The following ADAMTS12 variants were observed in gnomAD, a reference collection of about 807,000 sequenced individuals.
The protein encoded by ADAMTS12 is A disintegrin and metalloproteinase with thrombospondin motifs 12.
ADAMTS12 carries 118 observed loss-of-function variants against 167.8 expected under a neutral mutation model. The observed-to-expected ratio is 0.70, with a 90% CI of 0.61 to 0.82. The LOEUF is 0.82. Ranked by LOEUF, ADAMTS12 falls within the 40% of genes least tolerant of loss-of-function variation. The pLI, the probability that ADAMTS12 is intolerant of heterozygous loss-of-function variation, is 0.00. For synonymous variants in ADAMTS12, 704 were observed against 716.9 expected, an observed-to-expected ratio of 0.98 and a Z score of 0.29; for missense variants, 1,916 against 1,998.8, an observed-to-expected ratio of 0.96 and a Z score of 0.79.
In ADAMTS12 at chr5:33,661,978, C is replaced by T; in HGVS notation, c.978G>A (p.Lys326=). Residue 326 remains lysine, a synonymous_variant, in exon 6 of 24, where the codon AAG becomes AAA. Coordinates refer to ENST00000504830, the MANE Select transcript of ADAMTS12 (RefSeq NM_030955.4). Reference sequence around the variant, plus strand: ...TGAGGTCACTCTTGGGATTGATACTCTTCTGCCACTTGCAGAAGCTAGACA... The same window carrying T: ...TGAGGTCACTCTTGGGATTGATACTTTTCTGCCACTTGCAGAAGCTAGACA... ...KTLSSFCKWQ[K]SINPKSDLNP... is the part of the protein sequence containing the mutation. The T allele has an allele frequency of 1.2e-6, 2 of 1,613,270 alleles. No individual in the cohort carries two copies. The highest frequency in any genetic ancestry group is 1.7e-5 in the Admixed American group (1 of 59,968).
intron 19 of ADAMTS12, among the ~76,000 whole-genome samples, chr5:33,563,748 C>T (rs1745862159): frequency 6.6e-6 from 1 of 152,234 alleles, no homozygotes; most frequent in African/African-American, 2.4e-5. Flanking sequence ...CCCATGCACA[C>T]TGCATAGCAC....
At chr5:33,838,417 T>C (rs966873615) in intron 2 of ADAMTS12, among the ~76,000 whole-genome samples, 17 of 152,162 alleles carry the variant, frequency 1.1e-4, no homozygotes, top group African/African-American at 3.9e-4. Context: ...GCACGGTGGC[T>C]CACACCTGTA....
intron 2 of ADAMTS12, among the ~76,000 whole-genome samples, chr5:33,765,360 A>G (rs1745495518): frequency 6.6e-6 from 1 of 152,230 alleles, no homozygotes; most frequent in South Asian, 2.1e-4. Context: ...CCTTATTTTC[A>G]TTCCATGTTT....
chr5:33,732,248 ATG>A (rs1475739545), intron 3 of ADAMTS12, among the ~76,000 whole-genome samples: 5 of 152,238 alleles, frequency 3.3e-5, no homozygotes, highest in African/African-American at 1.2e-4. Flanking sequence ...AAAAAAATAA[ATG>A]TAGGTGAATA....
chr5:33,756,494 G>C (rs1745170721), intron 2 of ADAMTS12, among the ~76,000 whole-genome samples: 1 of 152,144 alleles, frequency 6.6e-6, no homozygotes. Flanking sequence ...TTTTTCTCAT[G>C]TAATACACAG....
intron 6 of ADAMTS12, among the ~76,000 whole-genome samples, chr5:33,661,029 C>T (rs1741240015): frequency 6.6e-6 from 1 of 152,018 alleles, no homozygotes; most frequent in Admixed American, 6.6e-5. Flanking sequence ...AGCCTATCCT[C>T]CAAAGGGACA....
chr5:33,624,652 T>C (rs1026589704), intron 13 of ADAMTS12, among the ~76,000 whole-genome samples: 8 of 152,154 alleles, frequency 5.3e-5, no homozygotes, highest in African/African-American at 1.9e-4. Flanking sequence ...TATGAAAACA[T>C]CTTGGAGTTG....
At chr5:33,550,840 G>C (rs1340618221) in intron 20 of ADAMTS12, among the ~76,000 whole-genome samples, 3 of 152,094 alleles carry the variant, frequency 2.0e-5, no homozygotes, top group African/African-American at 7.2e-5. Context: ...CCCTAGCACA[G>C]GGACAGACAC....
At position 33,649,616 on chromosome 5, in the gene ADAMTS12, CT is replaced by C. The variant is rs754681157; in HGVS notation, c.1271del (p.Gln424ArgfsTer7). The C allele has an allele frequency of 3.1e-6, 5 of 1,614,070 alleles. No individual in the cohort carries two copies. Among genetic ancestry groups the C allele is most frequent in the Non-Finnish European group, 4.2e-6 (5 of 1,179,930 alleles). On this transcript the variant is annotated frameshift_variant, in exon 8 of 24. Coordinates refer to ENST00000504830, the MANE Select transcript of ADAMTS12 (RefSeq NM_030955.4). LOFTEE classifies it high-confidence loss of function. ...ACCATGTCAGCGGAGTGGGATCGTA[CT>C]GGAGCTGGCGGGACATGATGTACGG... ...RHPYIMSRQL[Q>X]YDPTPLTWSK...
intron 16 of ADAMTS12, 80 bp downstream of exon 16, chr5:33,614,158 A>T (rs1738868202): frequency 4.6e-6 from 7 of 1,535,206 alleles, no homozygotes; most frequent in African/African-American, 1.4e-5. Context: ...AGAGAGCACA[A>T]AGCAAATCAC....
At chr5:33,693,072 C>T (rs751775223) in intron 3 of ADAMTS12, among the ~76,000 whole-genome samples, 5 of 152,310 alleles carry the variant, frequency 3.3e-5, no homozygotes, top group South Asian at 4.1e-4. Flanking sequence ...GTCTGTTAGT[C>T]GGAAGCCTGC....
At chr5:33,883,811 T>C (rs1199363320) in intron 1 of ADAMTS12, among the ~76,000 whole-genome samples, 1 of 152,180 alleles carries the variant, frequency 6.6e-6, no homozygotes, top group African/African-American at 2.4e-5. Context: ...CTGAGGTGTA[T>C]AACTGACTCA....
intron 2 of ADAMTS12, among the ~76,000 whole-genome samples, chr5:33,842,772 A>C (rs891519403): frequency 1.3e-5 from 2 of 152,216 alleles, no homozygotes; most frequent in Admixed American, 1.3e-4. Context: ...ACACCAGGAC[A>C]GTAGGCATCA....
At chr5:33,735,689 G>A (rs1250108014) in intron 3 of ADAMTS12, among the ~76,000 whole-genome samples, 2 of 152,056 alleles carry the variant, frequency 1.3e-5, no homozygotes, top group Non-Finnish European at 2.9e-5. Flanking sequence ...CTACCTAATG[G>A]CCTAATCGGG....
At chr5:33,862,485 T>A (rs1223221612) in intron 2 of ADAMTS12, among the ~76,000 whole-genome samples, 1 of 152,124 alleles carries the variant, frequency 6.6e-6, no homozygotes, top group Non-Finnish European at 1.5e-5. Flanking sequence ...CTCCCAAGAC[T>A]AAACCAGGAA....
chr5:33,745,212 G>A (rs1033522528), intron 3 of ADAMTS12, among the ~76,000 whole-genome samples: 3 of 152,112 alleles, frequency 2.0e-5, no homozygotes, highest in African/African-American at 7.2e-5. Flanking sequence ...GCTCTCTCAG[G>A]CCTTTGCAGG....
intron 20 of ADAMTS12, among the ~76,000 whole-genome samples, chr5:33,558,215 G>C (rs1476017877): frequency 6.6e-6 from 1 of 152,116 alleles, no homozygotes; most frequent in African/African-American, 2.4e-5. Context: ...GTGACAAAAA[G>C]GTTAGGGACT....
chr5:33,615,792 C>G (rs754985118), intron 15 of ADAMTS12, 36 bp downstream of exon 15: 2 of 1,612,056 alleles, frequency 1.2e-6, no homozygotes, highest in Non-Finnish European at 1.7e-6. Context: ...TTCTAACTAG[C>G]ACACATGTCA....
At position 33,694,719 on chromosome 5, in the gene ADAMTS12, C is replaced by T. The variant is rs559334089; in HGVS notation, c.635-10664G>A. On this transcript the variant is annotated intron_variant, in intron 3 of 23. Coordinates refer to ENST00000504830, the MANE Select transcript of ADAMTS12 (RefSeq NM_030955.4). ...TGCAGTGATGGAAGCTTGAAATGCG[C>T]TGTACACAAAATGAGATGTGCTGGC... Among the ~76,000 whole-genome samples the T allele has an allele frequency of 3.9e-5, 6 of 152,250 alleles. No individual in the cohort carries two copies. In the South Asian group the frequency reaches 1.2e-3, roughly 32 times the overall value.
Sources: gnomAD v4.1 joint callset for allele counts (sites outside exome capture counted in the v4.1 genomes callset) on GRCh38, gnomAD v4.1.1 for gene constraint, MANE v1.5 for transcripts, NCBI Gene and HGNC (gene_info 2026-07-23, HGNC 2026-07-21) for gene names.